RBMS1: variants seen among roughly 807,000 people sequenced by gnomAD.
RBMS1 encodes RNA binding motif single stranded interacting protein 1, also known as RNA-binding motif, single-stranded-interacting protein 1.
RBMS1 carries 17 observed loss-of-function variants against 62.3 expected under a neutral mutation model. That is an observed-to-expected ratio of 0.27 (90% CI 0.19 to 0.41). The LOEUF (loss-of-function observed/expected upper bound fraction) is 0.41, where lower values mean the gene tolerates loss of function less well. Ranked by LOEUF, RBMS1 falls within the 10% of genes least tolerant of loss-of-function variation. The pLI is 1.00. For synonymous variants in RBMS1, 172 were observed against 170.0 expected (o/e 1.01, Z -0.09); for missense variants, 334 against 504.5 (o/e 0.66, Z 3.24).
chr2:160,280,076 A>G (rs1688025254), intron 10 of RBMS1, among the ~76,000 whole-genome samples: 1 of 152,336 alleles, frequency 6.6e-6, no homozygotes, highest in African/African-American at 2.4e-5. Flanking sequence ...AAGATGGTGG[A>G]GCAGTTTCCT....
intron 4 of RBMS1, among the ~76,000 whole-genome samples, chr2:160,305,682 G>A (rs368702051): frequency 6.6e-6 from 1 of 152,236 alleles, no homozygotes; most frequent in South Asian, 2.1e-4. Flanking sequence ...AAAATAGGGC[G>A]GTTTTGGCGG....
At position 160,493,590 on chromosome 2, in the gene RBMS1, C is replaced by G. The variant is rs1345012498; in HGVS notation, c.-227G>C. On this transcript the variant is annotated 5_prime_UTR_variant, in exon 1 of 14. Coordinates refer to ENST00000348849, the MANE Select transcript of RBMS1 (RefSeq NM_016836.4). The stretch of plus-strand genomic sequence containing the variant: ...CCTCCTCTTCCTCCTCCTCCTCCTC[C>G]TCCCAGGCAGAAAGAAAGACACTGC... The G allele has an allele frequency of 2.0e-5, 12 of 605,238 alleles. No homozygotes were observed. The highest frequency in any genetic ancestry group is 3.2e-5 in the Non-Finnish European group (11 of 342,684). The allele number at this position is 605,238 out of a possible 1,614,324, so 37.5% of individuals were successfully genotyped here. A position where few individuals can be genotyped will look rare whatever the true frequency, so the allele number is the denominator to read the frequency against.
intron 1 of RBMS1, among the ~76,000 whole-genome samples, chr2:160,425,471 C>T (rs183589234): frequency 4.8e-4 from 73 of 152,216 alleles, no homozygotes; most frequent in African/African-American, 1.6e-3. Context: ...CTAAAACCAC[C>T]GGGTACTGTG....
chr2:160,475,258 G>T (rs930106278), intron 1 of RBMS1, among the ~76,000 whole-genome samples: 1 of 152,076 alleles, frequency 6.6e-6, no homozygotes, highest in Admixed American at 6.6e-5. Context: ...CACTTCATTC[G>T]CCTCTCCACC....
chr2:160,385,005 C>T (rs1694493662), intron 1 of RBMS1, among the ~76,000 whole-genome samples: 1 of 152,108 alleles, frequency 6.6e-6, no homozygotes, highest in South Asian at 2.1e-4. Context: ...CTCTTGCTCC[C>T]TCTCTTGCCA....
At chr2:160,391,506 C>T (rs943918762) in intron 1 of RBMS1, among the ~76,000 whole-genome samples, 3 of 152,000 alleles carry the variant, frequency 2.0e-5, no homozygotes, top group Admixed American at 6.6e-5. Flanking sequence ...TCAGGTGCTT[C>T]GGTAGTCTGC....
At chr2:160,363,611 A>C (rs13027946) in intron 2 of RBMS1, among the ~76,000 whole-genome samples, 2 of 152,170 alleles carry the variant, frequency 1.3e-5, no homozygotes, top group Admixed American at 1.3e-4. Flanking sequence ...AGAAGAATCC[A>C]CAAAACTTAG....
intron 1 of RBMS1, among the ~76,000 whole-genome samples, chr2:160,401,110 T>C (rs2105231759): frequency 6.6e-6 from 1 of 152,340 alleles, no homozygotes; most frequent in African/African-American, 2.4e-5. Context: ...TCATTTGTGA[T>C]TCTATAGCAG....
chr2:160,278,429 G>A, intron 11 of RBMS1, 119 bp downstream of exon 11: 3 of 804,318 alleles, frequency 3.7e-6, no homozygotes, highest in South Asian at 1.5e-5. Flanking sequence ...GTGGGGGGAA[G>A]AGAGGGGATT....
intron 10 of RBMS1, 44 bp downstream of exon 10, chr2:160,281,270 T>C: frequency 6.6e-7 from 1 of 1,511,496 alleles, no homozygotes. Flanking sequence ...AATATACACA[T>C]AACTTACTTG....
chr2:160,385,890 G>A lies in RBMS1; in HGVS notation c.76-18499C>T, dbSNP rs150108448. ...GAATGGATGCTGGCTATATTGGTTC[G>A]AAACGTCCACTGAAAGGCTGGGTTT... On this transcript the variant is annotated intron_variant, in intron 1 of 13. Transcript: ENST00000348849. 2.1e-3 allele frequency among the ~76,000 whole-genome samples: 313 copies of A among 152,238 alleles called. 1 individual carries two copies. The highest frequency in any genetic ancestry group is 3.8e-3 in the Non-Finnish European group (261 of 68,020).
intron 4 of RBMS1, among the ~76,000 whole-genome samples, chr2:160,307,342 G>A (rs1164264784): frequency 1.5e-5 from 2 of 133,060 alleles, no homozygotes; most frequent in African/African-American, 2.9e-5. Context: ...ATTCCTGCTC[G>A]TGTGACTGCC....
At chr2:160,468,533 T>G (rs1297852598) in intron 1 of RBMS1, among the ~76,000 whole-genome samples, 1 of 152,166 alleles carries the variant, frequency 6.6e-6, no homozygotes, top group African/African-American at 2.4e-5. Context: ...TTCCTTCAAT[T>G]TCAACAAAAA....
intron 2 of RBMS1, among the ~76,000 whole-genome samples, chr2:160,357,242 A>G (rs183716984): frequency 1.3e-3 from 198 of 152,236 alleles, no homozygotes; most frequent in Non-Finnish European, 4.9e-4. Context: ...TATGGTTATG[A>G]TAATTATTTC....
rs190767905 is a variant in RBMS1, at chr2:160,294,762, G to A, written c.640+5889C>T. ...AACAACTTGCATCATTAAATAAACCGTCTTCTGACTGTATTTATGAAATGT... is the reference window on the plus strand; with the variant it reads ...AACAACTTGCATCATTAAATAAACCATCTTCTGACTGTATTTATGAAATGT... On this transcript the variant is annotated intron_variant, in intron 6 of 13. Coordinates refer to ENST00000348849, the MANE Select transcript of RBMS1 (RefSeq NM_016836.4). Among the ~76,000 whole-genome samples, 948 of 152,154 alleles carry A rather than the reference G, an allele frequency of 6.2e-3. 17 individuals are homozygous for A. The highest frequency in any genetic ancestry group is 0.02 in the African/African-American group (824 of 41,512).
At chr2:160,366,994 G>GA in intron 2 of RBMS1, 1 of 369,746 alleles carries the variant, frequency 2.7e-6, no homozygotes, top group Non-Finnish European at 4.7e-6. Flanking sequence ...ATTCTATTGA[G>GA]AAAATGCTCC....
At chr2:160,407,570 G>C in intron 1 of RBMS1, 3 of 984,208 alleles carry the variant, frequency 3.0e-6, no homozygotes, top group Non-Finnish European at 3.6e-6. Flanking sequence ...GCGCGGGCGC[G>C]GGCGCGGGGC....
intron 6 of RBMS1, among the ~76,000 whole-genome samples, chr2:160,298,113 G>A (rs1232702823): frequency 1.3e-5 from 2 of 152,184 alleles, no homozygotes; most frequent in Admixed American, 6.5e-5. Context: ...AAGAAAGGGA[G>A]GGAGAAGGTA....
At chr2:160,383,293 C>T (rs1056147053) in intron 1 of RBMS1, among the ~76,000 whole-genome samples, 16 of 152,056 alleles carry the variant, frequency 1.1e-4, no homozygotes, top group Non-Finnish European at 2.1e-4. Context: ...TCCATCTTCA[C>T]GTGGCCTTCT....
Sources: gnomAD v4.1 joint callset for allele counts (sites outside exome capture counted in the v4.1 genomes callset) on GRCh38, gnomAD v4.1.1 for gene constraint, MANE v1.5 for transcripts, NCBI Gene and HGNC (gene_info 2026-07-23, HGNC 2026-07-21) for gene names.